The following PRKCB variants were observed in gnomAD, a reference collection of about 807,000 sequenced individuals.
The protein encoded by PRKCB is protein kinase C beta type.
In PRKCB, 13 loss-of-function variants were observed where a neutral mutation model predicts 81.5. That is an observed-to-expected ratio of 0.16 (90% CI 0.10 to 0.25). The LOEUF is 0.25. Ranked by LOEUF, PRKCB falls within the 10% of genes least tolerant of loss-of-function variation. The probability of loss-of-function intolerance (pLI) is 1.00; values close to 1 mark genes in which losing one functional copy is unlikely to be tolerated. For missense variants in PRKCB, 509 were observed against 875.7 expected (o/e 0.58, Z 5.29); for synonymous variants, 335 against 321.4 (o/e 1.04, Z -0.45).
chr16:24,015,083 G>T (rs975457503), intron 3 of PRKCB, among the ~76,000 whole-genome samples: 1 of 152,194 alleles, frequency 6.6e-6, no homozygotes, highest in Non-Finnish European at 1.5e-5. Flanking sequence ...TTACAGGTGT[G>T]AACTGCCGCG....
chr16:23,906,556 A>C (rs568831421), intron 2 of PRKCB, among the ~76,000 whole-genome samples: 1 of 152,158 alleles, frequency 6.6e-6, no homozygotes, highest in Admixed American at 6.5e-5. Flanking sequence ...CACATATTCT[A>C]CATTTTGTGT....
At chr16:23,937,570 CAG>C (rs1964080364) in intron 2 of PRKCB, among the ~76,000 whole-genome samples, 1 of 152,196 alleles carries the variant, frequency 6.6e-6, no homozygotes, top group Non-Finnish European at 1.5e-5. Context: ...GCTGGAATCT[CAG>C]TGAAATATCC....
chr16:23,947,183 G>A (rs537390525), intron 2 of PRKCB, among the ~76,000 whole-genome samples: 25 of 152,266 alleles, frequency 1.6e-4, no homozygotes, highest in Non-Finnish European at 3.5e-4. Context: ...GTAGCAAGGG[G>A]CTAAGGGATC....
intron 5 of PRKCB, among the ~76,000 whole-genome samples, chr16:24,089,789 T>TCTCTCTCACACACA (rs71381638): frequency 6.0e-5 from 9 of 149,994 alleles, no homozygotes; most frequent in African/African-American, 2.2e-4. Context: ...TCTCTCTCTC[T>TCTCTCTCACACACA]CACACACACA....
intron 2 of PRKCB, among the ~76,000 whole-genome samples, chr16:23,887,363 C>T (rs59922834): frequency 0.096 from 14,671 of 152,164 alleles, 1,327 homozygotes; most frequent in African/African-American, 0.24. Context: ...CCCTCCTTTC[C>T]GAGTTCCCAG....
intron 2 of PRKCB, among the ~76,000 whole-genome samples, chr16:23,975,327 C>T (rs972263368): frequency 2.0e-5 from 3 of 152,082 alleles, no homozygotes; most frequent in Admixed American, 6.5e-5. Flanking sequence ...CCTCAGGAGG[C>T]ACAATTTGGT....
intron 5 of PRKCB, among the ~76,000 whole-genome samples, chr16:24,080,334 A>G (rs1966233323): frequency 6.6e-6 from 1 of 152,218 alleles, no homozygotes; most frequent in Non-Finnish European, 1.5e-5. Flanking sequence ...TGGCAGTGAT[A>G]TGAATAGTAG....
intron 3 of PRKCB, among the ~76,000 whole-genome samples, chr16:24,005,932 C>A (rs117191886): frequency 6.6e-6 from 1 of 152,206 alleles, no homozygotes; most frequent in East Asian, 1.9e-4. Context: ...TTCCAGGGAG[C>A]GAAGCAGCAA....
rs1966066853 is a variant in PRKCB, at chr16:24,068,486, A to AC, written c.530-24305_530-24304insC. 2.0e-5 allele frequency among the ~76,000 whole-genome samples: 3 copies of AC among 149,974 alleles called. 1 individual carries two copies. The highest frequency in any genetic ancestry group is 7.5e-5 in the African/African-American group (3 of 40,156). On this transcript the variant is annotated intron_variant, in intron 5 of 16. Transcript: ENST00000643927. Reference sequence around the variant, plus strand: ...GATTTATGGCCCAAAGGAAAAAAAAAAAAAAACCACACACAGAATATTGGA... The same window carrying AC: ...GATTTATGGCCCAAAGGAAAAAAAAACAAAAAACCACACACAGAATATTGGA...
intron 3 of PRKCB, among the ~76,000 whole-genome samples, chr16:24,005,495 G>T (rs142756914): frequency 1.5e-3 from 232 of 152,270 alleles, no homozygotes; most frequent in African/African-American, 5.3e-3. Context: ...AGTTCAGTGA[G>T]GACCAAACTT....
intron 3 of PRKCB, among the ~76,000 whole-genome samples, chr16:24,017,411 A>G (rs56383944): frequency 0.011 from 1,629 of 152,340 alleles, 29 homozygotes; most frequent in African/African-American, 0.037. Flanking sequence ...ACTACCAGAA[A>G]ATATCAGGAA....
At chr16:23,951,718 C>G (rs537217663) in intron 2 of PRKCB, among the ~76,000 whole-genome samples, 47 of 151,648 alleles carry the variant, frequency 3.1e-4, no homozygotes, top group Non-Finnish European at 6.5e-4. Flanking sequence ...GCACCTGGTC[C>G]CCTGTCTTTT....
chr16:24,082,883 A>G (rs1052578461), intron 5 of PRKCB, among the ~76,000 whole-genome samples: 2 of 152,172 alleles, frequency 1.3e-5, no homozygotes, highest in African/African-American at 2.4e-5. Flanking sequence ...AAAAACTTTT[A>G]TTTTGCAAGA....
chr16:24,179,179 A>T (rs892762553), intron 12 of PRKCB, among the ~76,000 whole-genome samples: 2 of 152,230 alleles, frequency 1.3e-5, no homozygotes, highest in Non-Finnish European at 2.9e-5. Flanking sequence ...ATTGGATCAC[A>T]TGCCCATTCC....
At chr16:24,137,144 C>T (rs1001669644) in intron 9 of PRKCB, among the ~76,000 whole-genome samples, 22 of 152,064 alleles carry the variant, frequency 1.4e-4, no homozygotes, top group African/African-American at 5.1e-4. Flanking sequence ...CTGCCTTGGC[C>T]TCCCAAAGTG....
chr16:24,185,788 C>G (rs1055873147), intron 15 of PRKCB, among the ~76,000 whole-genome samples: 1 of 152,156 alleles, frequency 6.6e-6, no homozygotes, highest in South Asian at 2.1e-4. Flanking sequence ...CCTGCAGCTG[C>G]GTCTTGCTGC....
At chr16:24,142,588 C>G (rs1396699335) in intron 9 of PRKCB, among the ~76,000 whole-genome samples, 2 of 152,186 alleles carry the variant, frequency 1.3e-5, no homozygotes, top group Non-Finnish European at 2.9e-5. Context: ...TTTAATTGGT[C>G]TAGAGTGTGG....
chr16:23,989,933 C>G lies in PRKCB; in HGVS notation c.288+1343C>G, dbSNP rs114195732. On this transcript the variant is annotated intron_variant, in intron 3 of 16. Coordinates refer to ENST00000643927, the MANE Select transcript of PRKCB (RefSeq NM_002738.7). ...GGGAAAGAGTCTAGGAAAGATTTTT[C>G]CTTTCTGATAAGAGAGAGACATCCC... Among the ~76,000 whole-genome samples, 980 of 152,208 alleles carry G rather than the reference C, an allele frequency of 6.4e-3. 9 individuals are homozygous for G. The highest frequency in any genetic ancestry group is 0.023 in the African/African-American group (938 of 41,528).
chr16:24,198,656 G>A (rs889002356), intron 16 of PRKCB, among the ~76,000 whole-genome samples: 7 of 152,152 alleles, frequency 4.6e-5, no homozygotes, highest in South Asian at 2.1e-4. Context: ...AGTCTTAAGC[G>A]CTAAAGTGTG....
Sources: allele counts gnomAD v4.1 joint callset (sites outside exome capture counted in the v4.1 genomes callset), GRCh38; gene constraint gnomAD v4.1.1; transcripts MANE v1.5; gene names NCBI Gene and HGNC (gene_info 2026-07-23, HGNC 2026-07-21).